The following TET2 variants were observed in gnomAD, a reference collection of about 807,000 sequenced individuals.
TET2 encodes the protein tet methylcytosine dioxygenase 2, also known as methylcytosine dioxygenase TET2.
In TET2, 299 loss-of-function variants were observed where a neutral mutation model predicts 142.9. The ratio of observed to expected loss-of-function variants is 2.09; its 90% confidence interval spans 1.90 to 2.30. TET2 has a LOEUF of 2.30. Among genes scored for constraint, TET2 ranks in the 30% most tolerant of loss-of-function variants. The probability of loss-of-function intolerance (pLI) is 0.00; values close to 1 mark genes in which losing one functional copy is unlikely to be tolerated. For synonymous variants in TET2, 819 were observed against 849.0 expected (o/e 0.96, Z 0.61); for missense variants, 2,418 against 2,378.0 (o/e 1.02, Z -0.35).
At chr4:105,196,203 G>C (rs534677624) in intron 2 of TET2, among the ~76,000 whole-genome samples, 1 of 148,524 alleles carries the variant, frequency 6.7e-6, no homozygotes, top group Non-Finnish European at 1.5e-5. Context: ...AAGTACCTCT[G>C]TATGCCCATT....
intron 8 of TET2, among the ~76,000 whole-genome samples, chr4:105,262,899 C>T (rs1040130709): frequency 1.3e-5 from 2 of 149,410 alleles, no homozygotes; most frequent in African/African-American, 5.0e-5. Flanking sequence ...AAAAAAAATT[C>T]ATCTTTAACT....
At chr4:105,241,714 A>G (rs955881068) in intron 4 of TET2, 15 of 1,280,938 alleles carry the variant, frequency 1.2e-5, no homozygotes, top group Middle Eastern at 3.0e-4. Flanking sequence ...GCCAGCCACA[A>G]GGTACTGGCA....
At chr4:105,196,845 A>G (rs1726123805) in intron 2 of TET2, among the ~76,000 whole-genome samples, 1 of 152,184 alleles carries the variant, frequency 6.6e-6, no homozygotes, top group African/African-American at 2.4e-5. Context: ...ATCTGGTTAC[A>G]TAGTAGGCAT....
intron 1 of TET2, among the ~76,000 whole-genome samples, chr4:105,167,468 T>G (rs1225851986): frequency 2.0e-5 from 3 of 152,138 alleles, no homozygotes; most frequent in Non-Finnish European, 4.4e-5. Flanking sequence ...TGTATGTATA[T>G]ACACATGTAG....
chr4:105,213,785 A>G (rs55793049), intron 2 of TET2, among the ~76,000 whole-genome samples: 14,023 of 152,174 alleles, frequency 0.092, 1,829 homozygotes, highest in African/African-American at 0.29. Flanking sequence ...TCTCAGAGAG[A>G]ACTATGACCA....
At chr4:105,148,320 A>G (rs1723137756) in intron 1 of TET2, among the ~76,000 whole-genome samples, 1 of 152,234 alleles carries the variant, frequency 6.6e-6, no homozygotes, top group Non-Finnish European at 1.5e-5. Flanking sequence ...GAATTGAGAA[A>G]AGGCTTATTT....
At chr4:105,204,260 C>A (rs1726676533) in intron 2 of TET2, among the ~76,000 whole-genome samples, 1 of 143,264 alleles carries the variant, frequency 7.0e-6, no homozygotes, top group Non-Finnish European at 1.5e-5. Flanking sequence ...CACACACACA[C>A]ACACACACAT....
chr4:105,246,715 A>T (rs1355283891), intron 6 of TET2, among the ~76,000 whole-genome samples: 1 of 152,242 alleles, frequency 6.6e-6, no homozygotes, highest in African/African-American at 2.4e-5. Context: ...AGAGAATAGA[A>T]TAATCTCAAA....
chr4:105,163,485 C>G (rs145559971), intron 1 of TET2, among the ~76,000 whole-genome samples: 2 of 152,080 alleles, frequency 1.3e-5, no homozygotes, highest in Admixed American at 6.5e-5. Flanking sequence ...CCTCAAATAG[C>G]GTAACAAGCT....
chr4:105,220,476 A>G (rs1436846688), intron 2 of TET2, among the ~76,000 whole-genome samples: 1 of 152,122 alleles, frequency 6.6e-6, no homozygotes, highest in African/African-American at 2.4e-5. Context: ...TCCCAGCACA[A>G]ACTTAAACAC....
Position 105,218,466 on chromosome 4 carries a change from A to C in TET2, c.-46-15431A>C, listed in dbSNP as rs567245980. Among the ~76,000 whole-genome samples the C allele has an allele frequency of 3.3e-5, 5 of 152,206 alleles. No individual in the cohort carries two copies. The East Asian group carries it at 9.6e-4, about 29-fold the overall frequency. On this transcript the variant is annotated intron_variant, in intron 2 of 10. Coordinates refer to ENST00000380013, the MANE Select transcript of TET2 (RefSeq NM_001127208.3). The stretch of plus-strand genomic sequence containing the variant: ...AGCTTGTTTACTTATGTGTAAAATG[A>C]GGTAAAAATTACACCCTTCAAACCG...
chr4:105,259,912 G>C (rs527286171), intron 7 of TET2, 143 bp downstream of exon 7: 60 of 730,020 alleles, frequency 8.2e-5, no homozygotes, highest in Admixed American at 1.9e-4. Context: ...TATTTTTTAA[G>C]TTGGCATAAT....
Position 105,243,684 on chromosome 4 carries a change from C to G in TET2, c.3709C>G (p.Pro1237Ala), listed in dbSNP as rs926911175. 1.9e-6 allele frequency: 3 copies of G among 1,551,376 alleles called. No individual in the cohort carries two copies. The highest frequency in any genetic ancestry group is 2.7e-5 in the African/African-American group (2 of 72,978). Residue 1237 changes from proline to alanine, a missense_variant, in exon 6 of 11, where the codon CCG (proline) becomes GCG (alanine). Coordinates refer to ENST00000380013, the MANE Select transcript of TET2 (RefSeq NM_001127208.3). Reference sequence around the variant, plus strand: ...TCTCATCCTGGTGTGGGAAGGAATCCCGCTGTCTCTGGCTGACAAACTCTA... The same window carrying G: ...TCTCATCCTGGTGTGGGAAGGAATCGCGCTGTCTCTGGCTGACAAACTCTA... ...VILILVWEGI[P>A]LSLADKLYSE...
At chr4:105,240,329 A>T (rs889864479) in intron 3 of TET2, 28 of 1,062,476 alleles carry the variant, frequency 2.6e-5, no homozygotes, top group East Asian at 5.4e-5. Flanking sequence ...CTGTATTTTT[A>T]AAAAAAGCTT....
At chr4:105,174,453 G>A (rs192240327) in intron 1 of TET2, among the ~76,000 whole-genome samples, 1 of 152,204 alleles carries the variant, frequency 6.6e-6, no homozygotes, top group African/African-American at 2.4e-5. Flanking sequence ...GAAAATTAAC[G>A]AATCTTCTTA....
intron 2 of TET2, among the ~76,000 whole-genome samples, chr4:105,212,290 T>G (rs1254108162): frequency 3.3e-5 from 5 of 152,246 alleles, no homozygotes; most frequent in Non-Finnish European, 7.3e-5. Flanking sequence ...CTATAAAGAT[T>G]ACTCAGTGTA....
intron 1 of TET2, among the ~76,000 whole-genome samples, chr4:105,167,207 T>C (rs1054271466): frequency 1.3e-5 from 2 of 152,122 alleles, no homozygotes; most frequent in Admixed American, 6.5e-5. Context: ...AAGTCCATTT[T>C]CTATTCTCTG....
At chr4:105,260,914 CAAGTGATAAATGTT>C (rs1328277382) in intron 7 of TET2, among the ~76,000 whole-genome samples, 1 of 151,996 alleles carries the variant, frequency 6.6e-6, no homozygotes, top group African/African-American at 2.4e-5. Flanking sequence ...ACTGTTTTAT[CAAGTGATAAATGTT>C]TATCACTTTC....
chr4:105,241,613 A>G, intron 4 of TET2, 184 bp downstream of exon 4: 1 of 1,325,002 alleles, frequency 7.5e-7, no homozygotes, highest in Non-Finnish European at 9.7e-7. Context: ...AATATTTGAC[A>G]GGACTAATAG....
Sources: gnomAD v4.1 joint callset for allele counts (sites outside exome capture counted in the v4.1 genomes callset) on GRCh38, gnomAD v4.1.1 for gene constraint, MANE v1.5 for transcripts, NCBI Gene and HGNC (gene_info 2026-07-23, HGNC 2026-07-21) for gene names.